SYNDIG1: variants seen among roughly 807,000 people sequenced by gnomAD.
SYNDIG1 encodes synapse differentiation-inducing gene protein 1.
A neutral mutation model predicts 19.4 loss-of-function variants in SYNDIG1; 9 were observed. The ratio of observed to expected loss-of-function variants is 0.46; its 90% CI spans 0.28 to 0.81. The LOEUF (loss-of-function observed/expected upper bound fraction) is 0.81, where lower values mean the gene tolerates loss of function less well. SYNDIG1 is among the 30% of genes least tolerant of loss of function. The probability of loss-of-function intolerance (pLI) is 0.12; values close to 1 mark genes in which losing one functional copy is unlikely to be tolerated. For missense variants in SYNDIG1, 311 were observed against 343.3 expected, an observed-to-expected ratio of 0.91 and a Z score of 0.74; for synonymous variants, 141 against 145.9, an observed-to-expected ratio of 0.97 and a Z score of 0.24.
chr20:24,652,573 G>A (rs1312036241), intron 3 of SYNDIG1, among the ~76,000 whole-genome samples: 4 of 152,170 alleles, frequency 2.6e-5, no homozygotes, highest in Non-Finnish European at 4.4e-5. Flanking sequence ...TCATTCAGCC[G>A]ACTGTGATAT....
intron 1 of SYNDIG1, among the ~76,000 whole-genome samples, chr20:24,517,537 T>G (rs1422610069): frequency 6.1e-4 from 90 of 147,658 alleles, no homozygotes; most frequent in African/African-American, 2.1e-3. Context: ...GAGAATGGTG[T>G]GAACCTGGGA....
intron 3 of SYNDIG1, among the ~76,000 whole-genome samples, chr20:24,660,157 A>C (rs537142500): frequency 6.6e-6 from 1 of 152,358 alleles, no homozygotes; most frequent in Non-Finnish European, 1.5e-5. Flanking sequence ...CTTCCAGGTC[A>C]GGGCAACCAT....
chr20:24,579,272 G>A (rs2058283549), intron 2 of SYNDIG1, among the ~76,000 whole-genome samples: 1 of 152,168 alleles, frequency 6.6e-6, no homozygotes. Context: ...CACAAGTGAT[G>A]GCAAGATGGT....
intron 3 of SYNDIG1, among the ~76,000 whole-genome samples, chr20:24,637,841 C>T (rs1170923438): frequency 6.6e-6 from 1 of 152,198 alleles, no homozygotes; most frequent in Non-Finnish European, 1.5e-5. Flanking sequence ...CTTCGAGTCT[C>T]CCCAGCCCCA....
Position 24,498,085 on chromosome 20 carries a change from A to G in SYNDIG1, c.-79+28332A>G, listed in dbSNP as rs1405858294. 2.0e-5 allele frequency among the ~76,000 whole-genome samples: 3 copies of G among 152,216 alleles called. 1 individual carries two copies. In the East Asian group the frequency reaches 5.8e-4, roughly 29 times the overall value. On this transcript the variant is annotated intron_variant, in intron 1 of 3. Transcript: ENST00000376862. ...GGGTGGTTTCCCACATGCTGATCTC[A>G]CAGCCCAGCCTTTAAACAAAAACAA...
intron 3 of SYNDIG1, among the ~76,000 whole-genome samples, chr20:24,661,477 AGAGGGAGG>A (rs2059593120): frequency 1.8e-5 from 1 of 56,838 alleles, no homozygotes; most frequent in Non-Finnish European, 3.4e-5. Flanking sequence ...GAGGGAGGGA[AGAGGGAGG>A]AAGAAGGGAG....
chr20:24,477,883 C>T (rs528625548), intron 1 of SYNDIG1, among the ~76,000 whole-genome samples: 3 of 152,200 alleles, frequency 2.0e-5, no homozygotes, highest in Admixed American at 6.5e-5. Flanking sequence ...CACTTCTACA[C>T]GGTTATAGAT....
rs554523679 is a variant in SYNDIG1, at chr20:24,547,678, C to T, written c.480+4101C>T. ...CCAGGCCTCTTCCCAGGTATGTGAA[C>T]ACTGCTTCATCCACTTCCCAGCCAG... On this transcript the variant is annotated intron_variant, in intron 2 of 3. Coordinates refer to ENST00000376862, the MANE Select transcript of SYNDIG1 (RefSeq NM_024893.3). Among the ~76,000 whole-genome samples the T allele has an allele frequency of 3.3e-5, 5 of 152,314 alleles. No homozygotes were observed. In the East Asian group the frequency reaches 7.7e-4, roughly 23 times the overall value.
Position 24,522,041 on chromosome 20 carries a change from T to C in SYNDIG1, c.-78-20979T>C, listed in dbSNP as rs1171919373. On this transcript the variant is annotated intron_variant, in intron 1 of 3. Transcript: ENST00000376862. ...GCCCACCTTCCTCTTTTGACTGTTA[T>C]TGCCATACCCTGACAGCTGTGTTCA... Among the ~76,000 whole-genome samples, 6 of 152,156 alleles carry C rather than the reference T, an allele frequency of 3.9e-5. No individual in the cohort carries two copies. In the East Asian group the frequency reaches 5.8e-4, roughly 15 times the overall value.
chr20:24,548,903 TTTTTA>T (rs2057645871), intron 2 of SYNDIG1, among the ~76,000 whole-genome samples: 1 of 152,104 alleles, frequency 6.6e-6, no homozygotes, highest in African/African-American at 2.4e-5. Context: ...TTGAAGAGGT[TTTTTA>T]TTTTATTTTT....
chr20:24,579,220 T>C (rs2058282537), intron 2 of SYNDIG1, among the ~76,000 whole-genome samples: 1 of 152,180 alleles, frequency 6.6e-6, no homozygotes, highest in Non-Finnish European at 1.5e-5. Flanking sequence ...GAATAGTCTT[T>C]GCTGTGGGCG....
intron 3 of SYNDIG1, among the ~76,000 whole-genome samples, chr20:24,660,720 A>G (rs553120754): frequency 6.6e-6 from 1 of 152,310 alleles, no homozygotes; most frequent in Admixed American, 6.5e-5. Flanking sequence ...TCGCATCCCC[A>G]GCTTCAGCCT....
At chr20:24,560,278 C>G (rs2057915326) in intron 2 of SYNDIG1, among the ~76,000 whole-genome samples, 1 of 151,368 alleles carries the variant, frequency 6.6e-6, no homozygotes, top group Non-Finnish European at 1.5e-5. Flanking sequence ...ACTATGTTGG[C>G]CAGGCTGGAC....
intron 3 of SYNDIG1, among the ~76,000 whole-genome samples, chr20:24,662,325 G>A (rs1054809035): frequency 6.6e-6 from 1 of 151,940 alleles, no homozygotes; most frequent in Non-Finnish European, 1.5e-5. Context: ...TTTAAAAATC[G>A]GGTCTTCTAC....
intron 3 of SYNDIG1, among the ~76,000 whole-genome samples, chr20:24,620,058 G>A (rs1325559528): frequency 6.6e-6 from 1 of 152,140 alleles, no homozygotes; most frequent in Non-Finnish European, 1.5e-5. Flanking sequence ...TTCTTCTTCA[G>A]GACAACTTTG....
intron 3 of SYNDIG1, among the ~76,000 whole-genome samples, chr20:24,616,747 G>A (rs2147205175): frequency 6.6e-6 from 1 of 152,352 alleles, no homozygotes; most frequent in East Asian, 1.9e-4. Context: ...GCTGAGCTTG[G>A]AGGAGAGAAA....
At chr20:24,585,056 G>GCGGCCC in intron 3 of SYNDIG1, 63 bp downstream of exon 3, 2 of 545,664 alleles carry the variant, frequency 3.7e-6, no homozygotes, top group Non-Finnish European at 6.9e-6. Context: ...GGTGGGGGCG[G>GCGGCCC]CAATCCCAGC....
intron 3 of SYNDIG1, among the ~76,000 whole-genome samples, chr20:24,640,354 C>T (rs929601323): frequency 1.3e-4 from 18 of 135,060 alleles, no homozygotes; most frequent in Non-Finnish European, 2.3e-4. Flanking sequence ...ACATTGAGAG[C>T]GAGAGAGAGA....
intron 3 of SYNDIG1, among the ~76,000 whole-genome samples, chr20:24,608,926 G>A (rs924239545): frequency 1.3e-5 from 2 of 152,178 alleles, no homozygotes; most frequent in Non-Finnish European, 2.9e-5. Flanking sequence ...CAGTAATTTT[G>A]TGTGTCTGGA....
Sources: allele counts gnomAD v4.1 joint callset (sites outside exome capture counted in the v4.1 genomes callset), GRCh38; gene constraint gnomAD v4.1.1; transcripts MANE v1.5; gene names NCBI Gene and HGNC (gene_info 2026-07-23, HGNC 2026-07-21).